The following PCP4 variants were observed in gnomAD, a reference collection of about 807,000 sequenced individuals.
The protein encoded by PCP4 is calmodulin regulator protein PCP4.
PCP4 carries 8 observed loss-of-function variants against 10.0 expected under a neutral mutation model. The ratio of observed to expected loss-of-function variants is 0.80; its 90% CI spans 0.47 to 1.45. The LOEUF is 1.45. PCP4 is among the 40% of genes most tolerant of loss of function. PCP4 has a pLI of 0.00. For synonymous variants in PCP4, 21 were observed against 23.0 expected (o/e 0.91, Z 0.24); for missense variants, 54 against 74.4 (o/e 0.73, Z 1.01).
At chr21:39,922,308 A>G (rs146255782) in intron 2 of PCP4, among the ~76,000 whole-genome samples, 8 of 152,242 alleles carry the variant, frequency 5.3e-5, no homozygotes, top group African/African-American at 1.9e-4. Flanking sequence ...TTAATGCTCA[A>G]TAAAGAGTGG....
intron 1 of PCP4, among the ~76,000 whole-genome samples, chr21:39,877,741 C>T (rs1568849939): frequency 6.6e-6 from 1 of 151,926 alleles, no homozygotes; most frequent in Non-Finnish European, 1.5e-5. Context: ...ATCAAAGAAA[C>T]AAGACCCTTG....
intron 1 of PCP4, among the ~76,000 whole-genome samples, chr21:39,874,540 C>T (rs968093351): frequency 6.6e-6 from 1 of 151,816 alleles, no homozygotes; most frequent in African/African-American, 2.4e-5. Context: ...GAGAAAAGGA[C>T]TCCAGAAGTT....
intron 1 of PCP4, among the ~76,000 whole-genome samples, chr21:39,893,358 G>A (rs1287804376): frequency 6.9e-6 from 1 of 145,208 alleles, no homozygotes; most frequent in East Asian, 2.0e-4. Flanking sequence ...ATTATCAGAG[G>A]AAACAGTTAG....
chr21:39,899,116 G>A (rs1271350302), intron 2 of PCP4, among the ~76,000 whole-genome samples: 3 of 152,196 alleles, frequency 2.0e-5, no homozygotes, highest in Admixed American at 2.0e-4. Flanking sequence ...TTATGGATCA[G>A]GAAATGGAGG....
intron 2 of PCP4, among the ~76,000 whole-genome samples, chr21:39,924,325 G>A (rs1343429528): frequency 6.6e-6 from 1 of 152,176 alleles, no homozygotes; most frequent in Non-Finnish European, 1.5e-5. Flanking sequence ...TTCCAGATGA[G>A]AAAACTGAGC....
At chr21:39,888,891 TTG>T (rs1474955417) in intron 1 of PCP4, among the ~76,000 whole-genome samples, 1 of 152,232 alleles carries the variant, frequency 6.6e-6, no homozygotes, top group Non-Finnish European at 1.5e-5. Flanking sequence ...GCTTTGCACA[TTG>T]GTAAAGGTAC....
intron 2 of PCP4, among the ~76,000 whole-genome samples, chr21:39,900,911 A>G (rs1601181372): frequency 5.4e-3 from 1 of 186 alleles, no homozygotes; most frequent in East Asian, 0.1. Flanking sequence ...GAAAGTTTTA[A>G]ATGGTTTTTC....
At chr21:39,876,251 C>T (rs60654065) in intron 1 of PCP4, among the ~76,000 whole-genome samples, 29,162 of 152,008 alleles carry the variant, frequency 0.19, 3,022 homozygotes, top group South Asian at 0.39. Flanking sequence ...AGACTCTGCA[C>T]CCATTCAACA....
intron 1 of PCP4, among the ~76,000 whole-genome samples, chr21:39,868,832 T>C (rs963765462): frequency 6.6e-6 from 1 of 152,016 alleles, no homozygotes; most frequent in African/African-American, 2.4e-5. Flanking sequence ...GCCGGGTGAA[T>C]CTTGATGTCT....
intron 2 of PCP4, among the ~76,000 whole-genome samples, chr21:39,910,115 A>T (rs2087532339): frequency 6.6e-6 from 1 of 152,016 alleles, no homozygotes; most frequent in South Asian, 2.1e-4. Flanking sequence ...ACCATCCCAG[A>T]CCCTGAAAAC....
intron 1 of PCP4, among the ~76,000 whole-genome samples, chr21:39,884,327 G>T (rs2087389893): frequency 6.6e-6 from 1 of 151,746 alleles, no homozygotes; most frequent in South Asian, 2.1e-4. Flanking sequence ...TTACAGGCAT[G>T]CACCACCATG....
At chr21:39,876,176 C>T (rs930699304) in intron 1 of PCP4, among the ~76,000 whole-genome samples, 7 of 151,572 alleles carry the variant, frequency 4.6e-5, no homozygotes, top group African/African-American at 9.7e-5. Context: ...TACAGTTCAG[C>T]GGTATTAATT....
intron 1 of PCP4, among the ~76,000 whole-genome samples, chr21:39,870,821 C>T (rs1024050828): frequency 1.2e-4 from 19 of 152,192 alleles, no homozygotes; most frequent in South Asian, 2.1e-4. Flanking sequence ...TTCGTAACCC[C>T]GAGTTTCACG....
At chr21:39,917,435 G>A (rs887585524) in intron 2 of PCP4, among the ~76,000 whole-genome samples, 1 of 152,190 alleles carries the variant, frequency 6.6e-6, no homozygotes, top group East Asian at 1.9e-4. Flanking sequence ...CTGAGACATC[G>A]GGGAATGATG....
In PCP4 at chr21:39,923,699, A is replaced by C. The variant is rs543916850; in HGVS notation, c.62-5285A>C. The stretch of plus-strand genomic sequence containing the variant: ...CCAGTCCAGACCTAAGCCTTCAGCC[A>C]TCTGTGTGAAGGAGAAAGTGGTAAC... On this transcript the variant is annotated intron_variant, in intron 2 of 2. Coordinates refer to ENST00000328619, the MANE Select transcript of PCP4 (RefSeq NM_006198.3). Among the ~76,000 whole-genome samples, 10 of 152,336 alleles carry C rather than the reference A, an allele frequency of 6.6e-5. No homozygotes were observed. In the South Asian group the frequency reaches 2.1e-3, roughly 32 times the overall value.
chr21:39,884,290 G>A lies in PCP4; in HGVS notation c.10-14186G>A, dbSNP rs559719213. Among the ~76,000 whole-genome samples, 32 of 151,222 alleles carry A rather than the reference G, an allele frequency of 2.1e-4. 1 individual carries two copies. In the South Asian group the frequency reaches 5.0e-3, roughly 24 times the overall value. The stretch of plus-strand genomic sequence containing the variant: ...CGCCTCCCAGGTTCAAGCAATTCTC[G>A]TGCCTCAACCTCCCAAGTAGCTGGG... On this transcript the variant is annotated intron_variant, in intron 1 of 2. Transcript: ENST00000328619.
intron 1 of PCP4, among the ~76,000 whole-genome samples, chr21:39,876,201 G>A (rs62235432): frequency 0.19 from 29,098 of 151,508 alleles, 3,011 homozygotes; most frequent in South Asian, 0.39. Context: ...TTACACTGTC[G>A]TGAAACGGGT....
At chr21:39,873,444 A>G (rs966820857) in intron 1 of PCP4, among the ~76,000 whole-genome samples, 9 of 152,186 alleles carry the variant, frequency 5.9e-5, no homozygotes, top group African/African-American at 2.2e-4. Flanking sequence ...TTGAATATTT[A>G]AATATTTTAG....
At chr21:39,898,064 A>AAAAG (rs2087466016) in intron 1 of PCP4, among the ~76,000 whole-genome samples, 3 of 151,002 alleles carry the variant, frequency 2.0e-5, no homozygotes, top group Admixed American at 2.0e-4. Context: ...AAAAAAAAAA[A>AAAAG]AAAGAAGACA....
Sources: gnomAD v4.1 joint callset for allele counts (sites outside exome capture counted in the v4.1 genomes callset) on GRCh38, gnomAD v4.1.1 for gene constraint, MANE v1.5 for transcripts, NCBI Gene and HGNC (gene_info 2026-07-23, HGNC 2026-07-21) for gene names.